SDK1: variants seen among roughly 807,000 people sequenced by gnomAD.
SDK1 encodes the protein sidekick cell adhesion molecule 1.
SDK1 carries 157 observed loss-of-function variants against 245.5 expected under a neutral mutation model. The observed-to-expected ratio is 0.64, with a 90% confidence interval of 0.56 to 0.73. The LOEUF (loss-of-function observed/expected upper bound fraction) is 0.73. SDK1 is among the 30% of genes least tolerant of loss of function. The pLI is 0.00. For missense variants in SDK1, 3,583 were observed against 3,002.3 expected, an observed-to-expected ratio of 1.19 and a Z score of -4.52; for synonymous variants, 1,647 against 1,278.5, an observed-to-expected ratio of 1.29 and a Z score of -6.15.
At position 3,826,726 on chromosome 7, in the gene SDK1, G is replaced by A. The variant is rs550449017; in HGVS notation, c.847+5143G>A. 3.5e-4 allele frequency among the ~76,000 whole-genome samples: 54 copies of A among 152,302 alleles called. 2 individuals carry two copies. In the South Asian group the frequency reaches 0.011, roughly 31 times the overall value. On this transcript the variant is annotated intron_variant, in intron 5 of 44. Coordinates refer to ENST00000404826, the MANE Select transcript of SDK1 (RefSeq NM_152744.4). Reference sequence around the variant, plus strand: ...CAGACCCTTCCTTGGGATAGCTTGCGTACAGAGTGTCACCTGGGGCCACCT... The same window carrying A: ...CAGACCCTTCCTTGGGATAGCTTGCATACAGAGTGTCACCTGGGGCCACCT...
At chr7:3,680,804 T>G (rs753640099) in intron 4 of SDK1, among the ~76,000 whole-genome samples, 4 of 152,192 alleles carry the variant, frequency 2.6e-5, no homozygotes, top group Non-Finnish European at 5.9e-5. Context: ...TCCTGACTTA[T>G]GCGTTAGCCA....
At chr7:3,578,012 G>C (rs1201589745) in intron 1 of SDK1, among the ~76,000 whole-genome samples, 1 of 152,040 alleles carries the variant, frequency 6.6e-6, no homozygotes, top group African/African-American at 2.4e-5. Flanking sequence ...AGTGAGAGAG[G>C]TGGCAATGTT....
At chr7:3,825,678 G>C (rs920574840) in intron 5 of SDK1, among the ~76,000 whole-genome samples, 2 of 152,202 alleles carry the variant, frequency 1.3e-5, no homozygotes, top group Admixed American at 6.5e-5. Context: ...TTTAACTGCA[G>C]ACTCACGTAG....
rs201249838 is a variant in SDK1 at position 3,974,356 on chromosome 7, G to T, written c.1818-13G>T. 3.7e-6 allele frequency: 6 copies of T among 1,607,050 alleles called. No individual in the cohort carries two copies. The South Asian group carries it at 5.5e-5, about 15-fold the overall frequency. On this transcript the variant is annotated splice_polypyrimidine_tract_variant and intron_variant, in intron 12 of 44. Coordinates refer to ENST00000404826, the MANE Select transcript of SDK1 (RefSeq NM_152744.4). The stretch of plus-strand genomic sequence containing the variant: ...TGGGGTTTGTAACTCAAGACCCTTT[G>T]CTTGGCCCACAGCTACGTTTGGAAG...
At chr7:3,393,685 T>A (rs1395219146) in intron 1 of SDK1, among the ~76,000 whole-genome samples, 1 of 152,218 alleles carries the variant, frequency 6.6e-6, no homozygotes, top group Non-Finnish European at 1.5e-5. Flanking sequence ...CCAGAATTTC[T>A]GCTTGATTCT....
At chr7:3,318,750 T>G (rs1261849760) in intron 1 of SDK1, among the ~76,000 whole-genome samples, 1 of 152,182 alleles carries the variant, frequency 6.6e-6, no homozygotes, top group Non-Finnish European at 1.5e-5. Flanking sequence ...CCCTTGCCAT[T>G]GCATTAGGTA....
At chr7:4,196,167 C>T (rs1783565113) in intron 35 of SDK1, among the ~76,000 whole-genome samples, 1 of 152,186 alleles carries the variant, frequency 6.6e-6, no homozygotes, top group Non-Finnish European at 1.5e-5. Flanking sequence ...GACTTAACCC[C>T]TCAAGGCCTC....
chr7:3,533,707 T>G (rs943649705), intron 1 of SDK1, among the ~76,000 whole-genome samples: 3 of 152,192 alleles, frequency 2.0e-5, no homozygotes, highest in African/African-American at 7.2e-5. Context: ...CTTGCTAGTT[T>G]CCTGTTGAAT....
chr7:4,260,915 T>C (rs1787962104), intron 44 of SDK1, among the ~76,000 whole-genome samples: 2 of 152,166 alleles, frequency 1.3e-5, no homozygotes, highest in Admixed American at 1.3e-4. Context: ...TGGGAAGATG[T>C]GTCTTACGTC....
chr7:3,432,541 G>A (rs1779886652), intron 1 of SDK1, among the ~76,000 whole-genome samples: 2 of 152,156 alleles, frequency 1.3e-5, no homozygotes, highest in African/African-American at 4.8e-5. Context: ...TTGAATTTAG[G>A]TAACTATTTT....
At chr7:3,873,051 G>A (rs559281059) in intron 5 of SDK1, among the ~76,000 whole-genome samples, 3 of 151,836 alleles carry the variant, frequency 2.0e-5, no homozygotes, top group African/African-American at 4.8e-5. Flanking sequence ...TCATGTCTTC[G>A]TATTTATCCC....
chr7:3,643,466 C>T (rs184547734), intron 4 of SDK1: 11 of 149,688 alleles, frequency 7.3e-5, no homozygotes, highest in East Asian at 6.1e-4. Context: ...TCCCCTAAAC[C>T]TGGTGATTCT....
At chr7:3,484,805 T>G (rs1230651144) in intron 1 of SDK1, among the ~76,000 whole-genome samples, 2 of 152,234 alleles carry the variant, frequency 1.3e-5, no homozygotes, top group African/African-American at 4.8e-5. Flanking sequence ...CCTCCAGTTA[T>G]AAACGTGTTG....
rs764536106 is a variant in SDK1 at position 4,178,587 on chromosome 7, G to C, written c.5098+1G>C. On this transcript the variant is annotated splice_donor_variant, in intron 35 of 44. Coordinates refer to ENST00000404826, the MANE Select transcript of SDK1 (RefSeq NM_152744.4). LOFTEE classifies it high-confidence loss of function. ...GTGGAGGTCTTTGTCGGCGAGGCTG[G>C]TAAGCTCCGTGCACCCCCAACCCCA... 8 of 1,606,002 alleles carry C rather than the reference G, an allele frequency of 5.0e-6. No individual in the cohort carries two copies. The Admixed American group carries it at 1.3e-4, about 27-fold the overall frequency.
At chr7:3,390,206 C>G (rs374185498) in intron 1 of SDK1, among the ~76,000 whole-genome samples, 1 of 152,222 alleles carries the variant, frequency 6.6e-6, no homozygotes, top group Admixed American at 6.5e-5. Flanking sequence ...CAGCTTCATG[C>G]CGGAGGGTTC....
intron 1 of SDK1, among the ~76,000 whole-genome samples, chr7:3,399,656 G>A (rs1778829252): frequency 6.6e-6 from 1 of 152,068 alleles, no homozygotes; most frequent in Non-Finnish European, 1.5e-5. Context: ...TTTCTTCATT[G>A]TGTGGGGACA....
intron 25 of SDK1, among the ~76,000 whole-genome samples, chr7:4,125,454 G>GATGA (rs1334379235): frequency 6.6e-6 from 1 of 151,142 alleles, no homozygotes; most frequent in African/African-American, 2.4e-5. Context: ...TGGGTGAATG[G>GATGA]ATGAATGGAT....
intron 5 of SDK1, among the ~76,000 whole-genome samples, chr7:3,931,390 A>G (rs1002733066): frequency 6.6e-6 from 1 of 152,154 alleles, no homozygotes; most frequent in East Asian, 1.9e-4. Flanking sequence ...TAGATGATCA[A>G]TTTCTTATTT....
chr7:3,681,932 T>C (rs555776688), intron 4 of SDK1, among the ~76,000 whole-genome samples: 1 of 152,354 alleles, frequency 6.6e-6, no homozygotes, highest in African/African-American at 2.4e-5. Flanking sequence ...GTCCCTATAC[T>C]GTATGTAGCC....
Sources: allele counts gnomAD v4.1 joint callset (sites outside exome capture counted in the v4.1 genomes callset), GRCh38; gene constraint gnomAD v4.1.1; transcripts MANE v1.5; gene names NCBI Gene and HGNC (gene_info 2026-07-23, HGNC 2026-07-21).